Variants in MLIP observed in about 807,000 individuals in gnomAD.
MLIP encodes the protein muscular LMNA interacting protein.
Under a neutral mutation model 84.8 loss-of-function variants are expected in MLIP, and 79 were observed. The observed-to-expected ratio is 0.93, with a 90% CI of 0.78 to 1.12. The LOEUF (loss-of-function observed/expected upper bound fraction) is 1.12. Ranked by LOEUF, MLIP falls within the 50% of genes most tolerant of loss-of-function variation. The pLI is 0.00. For missense variants in MLIP, 1,257 were observed against 1,160.6 expected (o/e 1.08, Z -1.21); for synonymous variants, 504 against 463.0 (o/e 1.09, Z -1.14).
At chr6:54,180,084 AC>A (rs1384596580) in intron 9 of MLIP, among the ~76,000 whole-genome samples, 3 of 151,888 alleles carry the variant, frequency 2.0e-5, no homozygotes, top group Non-Finnish European at 4.4e-5. Flanking sequence ...TCTTGGGTAA[AC>A]TTTTTTGTTG....
At chr6:54,251,534 T>C (rs1324832556) in intron 12 of MLIP, among the ~76,000 whole-genome samples, 2 of 113,522 alleles carry the variant, frequency 1.8e-5, no homozygotes, top group Non-Finnish European at 3.2e-5. Flanking sequence ...ACACAGTATA[T>C]ATAATATATA....
At chr6:54,085,070 C>T (rs1225413502) in intron 1 of MLIP, among the ~76,000 whole-genome samples, 4 of 152,136 alleles carry the variant, frequency 2.6e-5, no homozygotes, top group Admixed American at 2.6e-4. Context: ...GAATTGCATC[C>T]ACGACAGGCT....
chr6:54,216,899 G>T, intron 11 of MLIP: 1 of 985,296 alleles, frequency 1.0e-6, no homozygotes, highest in African/African-American at 1.7e-5. Context: ...AAGTGTTGGT[G>T]TCTTTAGATA....
intron 12 of MLIP, among the ~76,000 whole-genome samples, chr6:54,247,718 C>CT (rs1648477334): frequency 6.6e-6 from 1 of 152,074 alleles, no homozygotes; most frequent in Non-Finnish European, 1.5e-5. Context: ...CTTCTGTTAC[C>CT]TATAGACATA....
chr6:54,183,155 A>G (rs1358313289), intron 9 of MLIP, among the ~76,000 whole-genome samples: 1 of 152,156 alleles, frequency 6.6e-6, no homozygotes, highest in African/African-American at 2.4e-5. Context: ...TCTTGTTGTT[A>G]TGCTTGGAAA....
chr6:54,218,133 T>G (rs1192521771), intron 11 of MLIP: 1 of 297,594 alleles, frequency 3.4e-6, no homozygotes, highest in Non-Finnish European at 5.0e-6. Context: ...GGATATGTTT[T>G]GAGAAATGCA....
At chr6:54,196,667 A>T (rs566270125) in intron 10 of MLIP, among the ~76,000 whole-genome samples, 2 of 152,204 alleles carry the variant, frequency 1.3e-5, no homozygotes, top group South Asian at 4.1e-4. Context: ...TAGTCAGCAC[A>T]CTGAGCTTCT....
At chr6:54,110,173 C>T (rs1213376315), upstream of MLIP, among the ~76,000 whole-genome samples, 17 of 151,760 alleles carry the variant, frequency 1.1e-4, no homozygotes, top group Admixed American at 1.1e-3. Context: ...TTAGTAGAGA[C>T]AGGGTTTCAC....
chr6:54,058,210 G>C (rs1390526441), intron 1 of MLIP, among the ~76,000 whole-genome samples: 2 of 151,948 alleles, frequency 1.3e-5, no homozygotes, highest in African/African-American at 4.8e-5. Context: ...TTTATAATTG[G>C]GTCTTTACTT....
At chr6:54,252,497 AATATAATATATTATAAC>A (rs1411030667) in intron 12 of MLIP, among the ~76,000 whole-genome samples, 1 of 141,670 alleles carries the variant, frequency 7.1e-6, no homozygotes, top group East Asian at 2.0e-4. Flanking sequence ...ACATAATATA[AATATAATATATTATAAC>A]ATATAATATA....
At chr6:54,207,417 C>T (rs9370270) in intron 11 of MLIP, among the ~76,000 whole-genome samples, 1 of 143,924 alleles carries the variant, frequency 6.9e-6, no homozygotes, top group African/African-American at 2.5e-5. Flanking sequence ...GCACCCCCCC[C>T]CCCTTTTTTG....
rs1400535813 is a variant in MLIP at position 54,067,243 on chromosome 6, C to G, written c.63+48152C>G. Among the ~76,000 whole-genome samples, 3 of 100,444 alleles carry G rather than the reference C, an allele frequency of 3.0e-5. 1 individual carries two copies. In the East Asian group the frequency reaches 8.0e-4, roughly 27 times the overall value. 65.9% of individuals were successfully genotyped at this position (100,444 alleles called of 152,430 possible). ...TTGGTATTTGATCTTTAGCATGACA[C>G]TAAGATTAATTCAGTATATTGTATG... is the stretch of plus-strand genomic sequence containing the variant. On this transcript the variant is annotated intron_variant, in intron 1 of 12. Coordinates refer to the MLIP transcript ENST00000274897.
Position 54,121,593 on chromosome 6 carries a change from T to C in MLIP, c.243T>C (p.Thr81=), listed in dbSNP as rs370171631. The C allele has an allele frequency of 1.1e-5, 17 of 1,600,004 alleles. No homozygotes were observed. The South Asian group carries it at 1.3e-4, about 12-fold the overall frequency. Reference sequence around the variant, plus strand: ...AATCAAGTGATAAGAGTCCAGAAACTGTAAATAGGGTAGGATTATTTTTAT... The same window carrying C: ...AATCAAGTGATAAGAGTCCAGAAACCGTAAATAGGGTAGGATTATTTTTAT... ...PEESSDKSPE[T]VNRSKSNDYL... is the part of the protein sequence containing the mutation. The change falls in exon 2 of 14, where the codon ACT becomes ACC. Residue 81 remains threonine, a synonymous_variant. Coordinates refer to ENST00000502396, the MANE Select transcript of MLIP (RefSeq NM_001281747.2).
chr6:54,046,848 T>C (rs1765088536), intron 1 of MLIP: 1 of 152,124 alleles, frequency 6.6e-6, no homozygotes, highest in Non-Finnish European at 1.5e-5. Flanking sequence ...TTAACTAAAA[T>C]TGAGCTAATT....
At chr6:54,157,729 T>C (rs1478075726) in intron 5 of MLIP, among the ~76,000 whole-genome samples, 1 of 152,064 alleles carries the variant, frequency 6.6e-6, no homozygotes, top group African/African-American at 2.4e-5. Context: ...TGAAACACCA[T>C]GCCAGGAAAA....
At chr6:54,259,410 A>G (rs996086079) in intron 13 of MLIP, among the ~76,000 whole-genome samples, 1 of 151,946 alleles carries the variant, frequency 6.6e-6, no homozygotes, top group African/African-American at 2.4e-5. Context: ...CATTGACTAT[A>G]TCTACACAAT....
At chr6:54,058,665 A>G (rs1294985383) in intron 1 of MLIP, among the ~76,000 whole-genome samples, 1 of 152,232 alleles carries the variant, frequency 6.6e-6, no homozygotes, top group Non-Finnish European at 1.5e-5. Flanking sequence ...ATTTCATATA[A>G]GCACCAAATA....
At chr6:54,165,479 T>G (rs2150577138) in intron 8 of MLIP, among the ~76,000 whole-genome samples, 1 of 152,082 alleles carries the variant, frequency 6.6e-6, no homozygotes, top group East Asian at 1.9e-4. Context: ...AACCCTCAGA[T>G]TTTAGCCCCT....
chr6:54,073,026 G>A (rs1432296329), intron 1 of MLIP, among the ~76,000 whole-genome samples: 1 of 152,068 alleles, frequency 6.6e-6, no homozygotes, highest in East Asian at 1.9e-4. Context: ...TGCTCCACAT[G>A]ATCAGAAGTC....
Sources: gnomAD v4.1 joint callset for allele counts (sites outside exome capture counted in the v4.1 genomes callset) on GRCh38, gnomAD v4.1.1 for gene constraint, MANE v1.5 for transcripts, NCBI Gene and HGNC (gene_info 2026-07-23, HGNC 2026-07-21) for gene names.